Variants in NOX5 observed in about 807,000 individuals in gnomAD.
NOX5 encodes the protein NADPH oxidase, EF-hand calcium binding domain 5.
Under a neutral mutation model 85.7 loss-of-function variants are expected in NOX5, and 76 were observed. The ratio of observed to expected loss-of-function variants is 0.89; its 90% confidence interval spans 0.74 to 1.07. The LOEUF is 1.07. Ranked by LOEUF, NOX5 falls within the 50% of genes least tolerant of loss-of-function variation. NOX5 has a pLI of 0.00. For synonymous variants in NOX5, 405 were observed against 401.4 expected (o/e 1.01, Z -0.11); for missense variants, 973 against 999.5 (o/e 0.97, Z 0.36).
At chr15:69,039,169 G>A (rs2050560977) in intron 9 of NOX5, among the ~76,000 whole-genome samples, 180 bp downstream of exon 9, 1 of 152,242 alleles carries the variant, frequency 6.6e-6, no homozygotes, top group East Asian at 1.9e-4. Flanking sequence ...GGCAAGGGCT[G>A]TACCAGCTGC....
chr15:69,027,566 A>T (rs1008114191), intron 2 of NOX5, among the ~76,000 whole-genome samples: 22 of 152,132 alleles, frequency 1.4e-4, no homozygotes, highest in African/African-American at 5.3e-4. Context: ...GCATCCCAGG[A>T]CACAGCATCT....
rs866570766 is a variant in NOX5, at chr15:69,060,722, A to G, written c.*4026A>G. 2 of 152,252 alleles carry G rather than the reference A, an allele frequency of 1.3e-5. No homozygotes were observed. Among genetic ancestry groups the G allele is most frequent in the Non-Finnish European group, 1.5e-5 (1 of 68,040 alleles). The allele number at this position is 152,252 out of a possible 1,614,324, so 9.4% of individuals were successfully genotyped here. ...AAAAGAAAAGAAAAAACAAGTACCA[A>G]GTGTTTGATATAATCCTATTTATAA... On this transcript the variant is annotated 3_prime_UTR_variant, in exon 16 of 16. Coordinates refer to ENST00000388866, the MANE Select transcript of NOX5 (RefSeq NM_024505.4).
chr15:69,042,526 C>T, intron 9 of NOX5, 137 bp from the exon 10 acceptor site: 1 of 849,372 alleles, frequency 1.2e-6, no homozygotes, highest in Non-Finnish European at 1.8e-6. Flanking sequence ...GGCTGCTAGT[C>T]TGGTCCTGAG....
chr15:69,033,001 G>A (rs878897061), intron 4 of NOX5, 42 bp from the exon 5 acceptor site: 9 of 1,521,518 alleles, frequency 5.9e-6, no homozygotes, highest in Non-Finnish European at 7.8e-6. Context: ...GGTGGTCCCC[G>A]CCCCACCGCT....
intron 11 of NOX5, 183 bp from the exon 12 acceptor site, chr15:69,047,230 T>C (rs2050685187): frequency 1.4e-6 from 1 of 716,774 alleles, no homozygotes; most frequent in South Asian, 2.3e-5. Flanking sequence ...CTCCCCAGAC[T>C]GGTGCTGAGA....
chr15:69,016,545 C>T (rs139556878), intron 1 of NOX5, among the ~76,000 whole-genome samples: 279 of 152,300 alleles, frequency 1.8e-3, no homozygotes, highest in Middle Eastern at 6.8e-3. Flanking sequence ...GAGAGGACAT[C>T]TGTCTGTGCT....
chr15:69,055,016 G>T (rs2050793585), intron 14 of NOX5, among the ~76,000 whole-genome samples: 1 of 152,156 alleles, frequency 6.6e-6, no homozygotes, highest in South Asian at 2.1e-4. Flanking sequence ...TTGAGTTCAA[G>T]ACCAGCCTGA....
At chr15:69,021,601 C>T (rs1427445913) in intron 1 of NOX5, among the ~76,000 whole-genome samples, 1 of 152,172 alleles carries the variant, frequency 6.6e-6, no homozygotes, top group African/African-American at 2.4e-5. Context: ...TAGGTGTGAG[C>T]CACCGCACCT....
chr15:69,031,441 G>A, intron 3 of NOX5, 77 bp from the exon 4 acceptor site: 1 of 1,473,290 alleles, frequency 6.8e-7, no homozygotes, highest in Non-Finnish European at 9.1e-7. Flanking sequence ...TCAGTTGCAT[G>A]GTCTATACCC....
intron 3 of NOX5, 56 bp from the exon 4 acceptor site, chr15:69,031,462 C>T: frequency 1.3e-6 from 2 of 1,550,770 alleles, no homozygotes; most frequent in Non-Finnish European, 8.7e-7. Context: ...CCAAGGAAAG[C>T]TGACTGGCAG....
At chr15:69,032,356 A>C (rs2050447182) in intron 4 of NOX5, among the ~76,000 whole-genome samples, 1 of 150,898 alleles carries the variant, frequency 6.6e-6, no homozygotes, top group South Asian at 2.1e-4. Flanking sequence ...AGTCTGTCCG[A>C]CTCCAGGCTC....
chr15:69,037,181 A>G lies in NOX5; in HGVS notation c.1342A>G (p.Ile448Val). 2 of 1,613,816 alleles carry G rather than the reference A, an allele frequency of 1.2e-6. No individual in the cohort carries two copies. Among genetic ancestry groups the G allele is most frequent in the Non-Finnish European group, 1.7e-6 (2 of 1,180,004 alleles). The stretch of plus-strand genomic sequence containing the variant: ...AGTGTCCCGCATGGCAGCCGTGTGC[A>G]TCATGGAAGTCAACCTCCTCCCCTC... ...LAVSRMAAVCIMEVNLLPSKV... is the reference protein window; with the variant it reads ...LAVSRMAAVCVMEVNLLPSKV... Residue 448 changes from isoleucine to valine, a missense_variant, in exon 8 of 16, where the codon ATC becomes GTC. Coordinates refer to ENST00000388866, the MANE Select transcript of NOX5 (RefSeq NM_024505.4).
chr15:69,039,032 G>A, intron 9 of NOX5, 43 bp downstream of exon 9: 1 of 1,607,254 alleles, frequency 6.2e-7, no homozygotes, highest in Non-Finnish European at 8.5e-7. Context: ...TATTCACTGA[G>A]TTCCTACCGT....
At chr15:69,026,679 T>C in intron 2 of NOX5, 28 bp downstream of exon 2, 1 of 1,613,508 alleles carries the variant, frequency 6.2e-7, no homozygotes, top group Non-Finnish European at 8.5e-7. Context: ...GTGGAAGCCC[T>C]GCATTTATCG....
At chr15:69,050,646 C>G (rs1395983888) in intron 14 of NOX5, among the ~76,000 whole-genome samples, 1 of 152,130 alleles carries the variant, frequency 6.6e-6, no homozygotes, top group Non-Finnish European at 1.5e-5. Context: ...GCTTCAGCCT[C>G]CCAAAGTGCT....
chr15:69,045,088 G>C (rs1218348894), intron 10 of NOX5, among the ~76,000 whole-genome samples: 1 of 152,202 alleles, frequency 6.6e-6, no homozygotes, highest in African/African-American at 2.4e-5. Context: ...GAGACAGGAG[G>C]GCCAGCTGGC....
chr15:69,034,578 G>A (rs1313135087), intron 5 of NOX5, among the ~76,000 whole-genome samples: 1 of 152,164 alleles, frequency 6.6e-6, no homozygotes, highest in Admixed American at 6.5e-5. Flanking sequence ...TAACCTACAA[G>A]TCCACATCCT....
chr15:69,046,467 A>G (rs928685483), intron 10 of NOX5, among the ~76,000 whole-genome samples: 3 of 152,186 alleles, frequency 2.0e-5, no homozygotes, highest in Non-Finnish European at 4.4e-5. Flanking sequence ...CTCTCCAGTC[A>G]CACCCTGAAA....
At chr15:69,038,754 T>G in intron 8 of NOX5, 103 bp from the exon 9 acceptor site, 2 of 1,516,198 alleles carry the variant, frequency 1.3e-6, no homozygotes, top group Non-Finnish European at 1.8e-6. Context: ...GGCATGCCTG[T>G]TTTATGGAGG....
Sources: allele counts gnomAD v4.1 joint callset (sites outside exome capture counted in the v4.1 genomes callset), GRCh38; gene constraint gnomAD v4.1.1; transcripts MANE v1.5; gene names NCBI Gene and HGNC (gene_info 2026-07-23, HGNC 2026-07-21).